KHDRBS1: variants seen among roughly 807,000 people sequenced by gnomAD.
The protein encoded by KHDRBS1 is KH domain-containing, RNA-binding, signal transduction-associated protein 1.
Under a neutral mutation model 48.4 loss-of-function variants are expected in KHDRBS1, and 7 were observed. The observed-to-expected ratio is 0.14, with a 90% confidence interval of 0.08 to 0.27. KHDRBS1 has a LOEUF of 0.27. Ranked by LOEUF, KHDRBS1 falls within the 10% of genes least tolerant of loss-of-function variation. The pLI, the probability that KHDRBS1 is intolerant of heterozygous loss-of-function variation, is 1.00. For synonymous variants in KHDRBS1, 241 were observed against 235.8 expected (o/e 1.02, Z -0.20); for missense variants, 458 against 601.2 (o/e 0.76, Z 2.49).
At chr1:32,060,279 C>T (rs565481052) in exon 11 of KHDRBS1, 1 of 152,250 alleles carries the variant, frequency 6.6e-6, no homozygotes, top group South Asian at 2.1e-4. Context: ...TTTCACTCTA[C>T]TTGATCTGTC....
intron 10 of KHDRBS1, among the ~76,000 whole-genome samples, chr1:32,054,070 A>T (rs1441238922): frequency 6.6e-6 from 1 of 152,166 alleles, no homozygotes; most frequent in South Asian, 2.1e-4. Context: ...GCAAAACTGC[A>T]TCTCAAAAAA....
intron 1 of KHDRBS1, among the ~76,000 whole-genome samples, chr1:32,021,111 G>C (rs1638848664): frequency 6.6e-6 from 1 of 151,682 alleles, no homozygotes; most frequent in Admixed American, 6.6e-5. Context: ...ATCTAAAATT[G>C]CCTTAAAATT....
At chr1:32,057,485 C>CG (rs1422210428) in intron 10 of KHDRBS1, among the ~76,000 whole-genome samples, 1 of 132,538 alleles carries the variant, frequency 7.5e-6, no homozygotes, top group Non-Finnish European at 1.6e-5. Flanking sequence ...TTCTTCTTTT[C>CG]TTTTTTTTTT....
At chr1:32,053,498 C>T (rs930335637) in intron 10 of KHDRBS1, among the ~76,000 whole-genome samples, 8 of 152,128 alleles carry the variant, frequency 5.3e-5, no homozygotes, top group African/African-American at 1.7e-4. Context: ...TCAAGCTGTC[C>T]TCCTGCCTCA....
At chr1:32,017,520 G>T (rs938475932) in intron 1 of KHDRBS1, among the ~76,000 whole-genome samples, 1 of 149,976 alleles carries the variant, frequency 6.7e-6, no homozygotes, top group African/African-American at 2.4e-5. Context: ...TTCTGGAAGA[G>T]AAATAATTTA....
intron 4 of KHDRBS1, among the ~76,000 whole-genome samples, chr1:32,034,314 G>A (rs1055989962): frequency 6.6e-6 from 1 of 152,206 alleles, no homozygotes; most frequent in African/African-American, 2.4e-5. Context: ...TGTAATCCCA[G>A]CAATTTGGGA....
chr1:32,038,608 C>G lies in KHDRBS1; in HGVS notation c.1164C>G (p.Ser388Arg). 1 of 1,613,906 alleles carries G rather than the reference C, an allele frequency of 6.2e-7. No individual in the cohort carries two copies. The highest frequency in any genetic ancestry group is 1.3e-5 in the African/African-American group (1 of 75,014). Reference sequence around the variant, plus strand: ...ACGAAGGCTACGAAGGCTATTACAGCCAGAGTCAAGGGTGAGTCAGGCAGT... The same window carrying G: ...ACGAAGGCTACGAAGGCTATTACAGGCAGAGTCAAGGGTGAGTCAGGCAGT... ...QSYEGYEGYY[S>R]QSQGDSEYYD... is the part of the protein sequence containing the mutation. The change falls in exon 7 of 9, where the codon AGC (serine) becomes AGG (arginine). Residue 388 changes from serine to arginine, a missense_variant. Ser to Arg is a moderately radical substitution (Grantham distance 110). This residue lies in a region of KHDRBS1 where 171 missense variants were observed against 228.7 expected (regional missense o/e 0.75). Coordinates refer to ENST00000327300, the MANE Select transcript of KHDRBS1 (RefSeq NM_006559.3).
intron 8 of KHDRBS1, among the ~76,000 whole-genome samples, chr1:32,040,737 C>A (rs1039144822): frequency 1.3e-5 from 2 of 152,164 alleles, no homozygotes; most frequent in Non-Finnish European, 2.9e-5. Context: ...TGAGGGACTT[C>A]CAGAGAGTCC....
intron 4 of KHDRBS1, 70 bp from the exon 5 acceptor site, chr1:32,036,840 C>A: frequency 6.7e-7 from 1 of 1,503,198 alleles, no homozygotes; most frequent in Non-Finnish European, 9.0e-7. Context: ...TCAAGTCTCC[C>A]GTGGACCAGA....
chr1:32,019,915 G>T (rs1638823622), intron 1 of KHDRBS1, among the ~76,000 whole-genome samples: 1 of 152,038 alleles, frequency 6.6e-6, no homozygotes, highest in South Asian at 2.1e-4. Context: ...GGGATTACAG[G>T]CGCCCACCAC....
At chr1:32,057,806 A>T (rs148733915) in intron 10 of KHDRBS1, among the ~76,000 whole-genome samples, 1,757 of 148,218 alleles carry the variant, frequency 0.012, 27 homozygotes, top group African/African-American at 0.042. Context: ...CTCAAAAAAA[A>T]AAAAGAGAGA....
At chr1:32,039,669 C>T (rs924067956) in intron 8 of KHDRBS1, 96 bp downstream of exon 8, 12 of 754,032 alleles carry the variant, frequency 1.6e-5, no homozygotes, top group African/African-American at 3.5e-5. Context: ...AACACACCTA[C>T]GGATAAACCT....
chr1:32,051,952 G>A (rs561516217), intron 10 of KHDRBS1, among the ~76,000 whole-genome samples: 2 of 152,294 alleles, frequency 1.3e-5, no homozygotes, highest in East Asian at 1.9e-4. Context: ...CTGTTTGCTG[G>A]CAGTACTACT....
downstream of KHDRBS1, among the ~76,000 whole-genome samples, chr1:32,045,984 G>A (rs751435436): frequency 1.3e-5 from 2 of 152,134 alleles, no homozygotes; most frequent in African/African-American, 2.4e-5. Flanking sequence ...TGTTAGGAAA[G>A]GGAAATGGAT....
intron 10 of KHDRBS1, among the ~76,000 whole-genome samples, chr1:32,053,391 A>T (rs1023646528): frequency 3.3e-5 from 5 of 152,108 alleles, no homozygotes; most frequent in African/African-American, 7.2e-5. Context: ...CAGACTAATT[A>T]AATTAATTAA....
intron 4 of KHDRBS1, among the ~76,000 whole-genome samples, chr1:32,033,699 T>G (rs1639123012): frequency 6.6e-6 from 1 of 152,180 alleles, no homozygotes; most frequent in Non-Finnish European, 1.5e-5. Flanking sequence ...GGAAAGTGAC[T>G]AAGGTGGGTC....
chr1:32,043,041 T>C lies in KHDRBS1; in HGVS notation c.*417T>C, dbSNP rs979553216. The C allele has an allele frequency of 6.5e-6, 1 of 153,706 alleles. No individual in the cohort carries two copies. Among genetic ancestry groups the C allele is most frequent in the Admixed American group, 6.5e-5 (1 of 15,444 alleles). The allele number at this position is 153,706 out of a possible 1,614,324, so 9.5% of individuals were successfully genotyped here. ...TTTCTCTTAGTTTTGATTTGAGGCA[T>C]CCCGTAAAGTTGTAGTTGCAGAATC... On this transcript the variant is annotated 3_prime_UTR_variant, in exon 9 of 9. Coordinates refer to ENST00000327300, the MANE Select transcript of KHDRBS1 (RefSeq NM_006559.3).
intron 10 of KHDRBS1, among the ~76,000 whole-genome samples, chr1:32,057,163 G>A (rs1296676320): frequency 2.6e-5 from 4 of 152,092 alleles, no homozygotes; most frequent in Admixed American, 2.0e-4. Context: ...AGTTGAAGCC[G>A]AGGTACGAAT....
intron 8 of KHDRBS1, 152 bp from the exon 9 acceptor site, chr1:32,042,375 A>T (rs983826529): frequency 6.7e-6 from 4 of 594,636 alleles, no homozygotes; most frequent in African/African-American, 1.9e-5. Flanking sequence ...CAAGAGGGCC[A>T]AGCCAAGTAG....
Sources: gnomAD v4.1 joint callset for allele counts (sites outside exome capture counted in the v4.1 genomes callset) on GRCh38, gnomAD v4.1.1 for gene constraint, gnomAD v4.1.1 regional missense constraint, MANE v1.5 for transcripts, NCBI Gene and HGNC (gene_info 2026-07-23, HGNC 2026-07-21) for gene names.